Variants in ADAM10 observed in about 807,000 individuals in gnomAD.
The protein encoded by ADAM10 is ADAM metallopeptidase domain 10.
A neutral mutation model predicts 90.1 loss-of-function variants in ADAM10; 17 were observed. The observed-to-expected ratio is 0.19, with a 90% CI of 0.13 to 0.28. The LOEUF is 0.28. Among genes scored for constraint, ADAM10 ranks in the 10% least tolerant of loss-of-function variants. The pLI is 1.00. For synonymous variants in ADAM10, 310 were observed against 298.6 expected (o/e 1.04, Z -0.40); for missense variants, 610 against 914.3 (o/e 0.67, Z 4.29).
chr15:58,733,116 T>TA (rs1373093932), intron 1 of ADAM10: 1 of 152,216 alleles, frequency 6.6e-6, no homozygotes, highest in Non-Finnish European at 1.5e-5. Flanking sequence ...CATTAGGCAT[T>TA]AGAGTTCACA....
In ADAM10 at chr15:58,655,617, C is replaced by G. The variant is rs188529706; in HGVS notation, c.586-9413G>C. On this transcript the variant is annotated intron_variant, in intron 5 of 15. Transcript: ENST00000260408. ...TCCAAACTATATTAATATATATTTA[C>G]AGTTGTTAAATCCTCTTGCTGAACT... Among the ~76,000 whole-genome samples the G allele has an allele frequency of 1.0e-3, 150 of 143,756 alleles. 2 individuals are homozygous for G. The highest frequency in any genetic ancestry group is 3.8e-3 in the African/African-American group (147 of 38,504). The allele number at this position is 143,756 out of a possible 152,430, so 94.3% of individuals were successfully genotyped here. A position where few individuals can be genotyped will look rare whatever the true frequency, so the allele number is the denominator to read the frequency against.
intron 9 of ADAM10, among the ~76,000 whole-genome samples, 164 bp downstream of exon 9, chr15:58,633,032 C>G (rs571412526): frequency 6.6e-6 from 1 of 152,186 alleles, no homozygotes; most frequent in African/African-American, 2.4e-5. Context: ...CACAAACATT[C>G]TATCTTCCTC....
At chr15:58,678,656 A>G (rs1018431299) in intron 4 of ADAM10, among the ~76,000 whole-genome samples, 27 of 152,206 alleles carry the variant, frequency 1.8e-4, no homozygotes, top group South Asian at 4.1e-4. Flanking sequence ...CTTGAAGTCA[A>G]GTCATTACCT....
Position 58,663,347 on chromosome 15 carries a change from G to A in ADAM10, c.585+1750C>T, listed in dbSNP as rs1356547573. 3.3e-5 allele frequency among the ~76,000 whole-genome samples: 5 copies of A among 152,052 alleles called. 1 individual carries two copies. Among genetic ancestry groups the A allele is most frequent in the Admixed American group, 2.6e-4 (4 of 15,270 alleles). The stretch of plus-strand genomic sequence containing the variant: ...CACTTTTCCTTACTAATTTGAGATT[G>A]CATCTCTACCACATAACAAAGTTTC... On this transcript the variant is annotated intron_variant, in intron 5 of 15. Transcript: ENST00000260408.
At chr15:58,670,410 T>C (rs1293330445) in intron 4 of ADAM10, among the ~76,000 whole-genome samples, 2 of 152,076 alleles carry the variant, frequency 1.3e-5, no homozygotes, top group African/African-American at 2.4e-5. Flanking sequence ...GAAATAACCA[T>C]AAAAATATTG....
intron 10 of ADAM10, among the ~76,000 whole-genome samples, chr15:58,624,826 T>G (rs1033459731): frequency 3.3e-5 from 5 of 152,184 alleles, no homozygotes; most frequent in Non-Finnish European, 7.4e-5. Context: ...AGCCACTCTG[T>G]CTGGCCTAAA....
In ADAM10 at chr15:58,618,644, GAACTC is replaced by G. The variant is rs368174971; in HGVS notation, c.1511+2822_1511+2826del. Among the ~76,000 whole-genome samples, 36 of 152,096 alleles carry G rather than the reference GAACTC, an allele frequency of 2.4e-4. No individual in the cohort carries two copies. The East Asian group carries it at 3.7e-3, about 15-fold the overall frequency. On this transcript the variant is annotated intron_variant, in intron 11 of 15. Transcript: ENST00000260408. ...ACTAGGGACTGATAGAATGTACAAG[GAACTC>G]AACTCAACAGCAAAAAACTAAATAA...
At chr15:58,603,327 G>T (rs1233940941) in intron 14 of ADAM10, among the ~76,000 whole-genome samples, 1 of 152,168 alleles carries the variant, frequency 6.6e-6, no homozygotes, top group African/African-American at 2.4e-5. Context: ...GAGTAATGCA[G>T]AAAGTTTAGC....
intron 10 of ADAM10, 43 bp downstream of exon 10, chr15:58,627,657 G>T: frequency 6.4e-7 from 1 of 1,557,768 alleles, no homozygotes; most frequent in South Asian, 1.1e-5. Flanking sequence ...TTGTCTGAAT[G>T]TTTGAAAATG....
intron 1 of ADAM10, among the ~76,000 whole-genome samples, chr15:58,730,421 T>A (rs1404965858): frequency 9.9e-5 from 15 of 152,236 alleles, no homozygotes; most frequent in African/African-American, 3.6e-4. Flanking sequence ...CAGAGTTGAA[T>A]AAGCGAAGTA....
chr15:58,712,685 G>A (rs1898514501), intron 2 of ADAM10, among the ~76,000 whole-genome samples: 1 of 151,866 alleles, frequency 6.6e-6, no homozygotes, highest in Non-Finnish European at 1.5e-5. Flanking sequence ...AATTAGCCGG[G>A]AGCGGTGGTG....
chr15:58,748,905 G>C (rs1473006436), intron 1 of ADAM10: 1 of 398,844 alleles, frequency 2.5e-6, no homozygotes, highest in Non-Finnish European at 4.4e-6. Context: ...CTGCAGAATG[G>C]GGTCGGTCAG....
intron 5 of ADAM10, among the ~76,000 whole-genome samples, chr15:58,656,311 T>C (rs1896828842): frequency 6.6e-6 from 1 of 152,168 alleles, no homozygotes; most frequent in Admixed American, 6.5e-5. Flanking sequence ...CCACTGACAT[T>C]CAATGTTATT....
At chr15:58,647,152 A>G (rs775386185) in intron 5 of ADAM10, among the ~76,000 whole-genome samples, 4 of 151,742 alleles carry the variant, frequency 2.6e-5, no homozygotes, top group Non-Finnish European at 4.4e-5. Flanking sequence ...CACCCACTAG[A>G]ATGTAAGTTC....
intron 1 of ADAM10, among the ~76,000 whole-genome samples, chr15:58,721,871 T>C (rs1392488844): frequency 1.4e-5 from 2 of 143,676 alleles, no homozygotes; most frequent in African/African-American, 5.2e-5. Context: ...CTGCTAAAAA[T>C]ACAAAAAATA....
chr15:58,717,998 C>G (rs1898722831), intron 1 of ADAM10, among the ~76,000 whole-genome samples: 1 of 152,044 alleles, frequency 6.6e-6, no homozygotes, highest in Non-Finnish European at 1.5e-5. Context: ...TCACATTTTG[C>G]TGATAAAAAC....
intron 1 of ADAM10, 63 bp downstream of exon 1, chr15:58,749,417 G>A (rs1899905221): frequency 6.8e-7 from 1 of 1,475,606 alleles, no homozygotes; most frequent in African/African-American, 1.5e-5. Context: ...ACTGGGCTCC[G>A]CTCGGCCCGG....
intron 4 of ADAM10, among the ~76,000 whole-genome samples, chr15:58,668,198 C>A (rs1266435935): frequency 6.6e-6 from 1 of 152,128 alleles, no homozygotes; most frequent in Non-Finnish European, 1.5e-5. Flanking sequence ...AAGGCAGAAC[C>A]TTTGCCCTAT....
Position 58,599,744 on chromosome 15 carries a change from T to A in ADAM10, c.2026-20A>T. The stretch of plus-strand genomic sequence containing the variant: ...ATGAGCCTAGAAATAAACAGATTTT[T>A]CCACTGAAAAAAAAAAAACTACAAA... On this transcript the variant is annotated intron_variant, in intron 14 of 15. Coordinates refer to ENST00000260408, the MANE Select transcript of ADAM10 (RefSeq NM_001110.4). 1 of 1,562,712 alleles carries A rather than the reference T, an allele frequency of 6.4e-7. No individual in the cohort carries two copies. The highest frequency in any genetic ancestry group is 1.1e-5 in the South Asian group (1 of 88,986).
Sources: gnomAD v4.1 joint callset for allele counts (sites outside exome capture counted in the v4.1 genomes callset) on GRCh38, gnomAD v4.1.1 for gene constraint, MANE v1.5 for transcripts, NCBI Gene and HGNC (gene_info 2026-07-23, HGNC 2026-07-21) for gene names.